The following CALN1 variants were observed in gnomAD, a reference collection of about 807,000 sequenced individuals.
The protein encoded by CALN1 is calneuron 1, also known as calcium-binding protein 8.
In CALN1, 17 loss-of-function variants were observed where a neutral mutation model predicts 30.6. That is an observed-to-expected ratio of 0.56 (90% CI 0.38 to 0.83). CALN1 has a LOEUF of 0.83. Ranked by LOEUF, CALN1 falls within the 40% of genes least tolerant of loss-of-function variation. CALN1 has a pLI of 0.00. For synonymous variants in CALN1, 156 were observed against 131.4 expected, an observed-to-expected ratio of 1.19 and a Z score of -1.28; for missense variants, 291 against 354.9, an observed-to-expected ratio of 0.82 and a Z score of 1.45.
chr7:72,142,307 G>A (rs376171634), intron 3 of CALN1, among the ~76,000 whole-genome samples: 3 of 152,264 alleles, frequency 2.0e-5, no homozygotes, highest in South Asian at 2.1e-4. Flanking sequence ...CTTAGCAAAC[G>A]GCACACCAGG....
the CALN1 span, among the ~76,000 whole-genome samples, chr7:72,478,403 A>T: frequency 0.13 from 18,683 of 146,400 alleles, 2,355 homozygotes; most frequent in African/African-American, 0.33. Flanking sequence ...ATATATATAT[A>T]TTTTTTCTTA....
rs186317803 is a variant in CALN1 at position 72,258,547 on chromosome 7, T to C, written c.244+20139A>G. Among the ~76,000 whole-genome samples, 164 of 152,332 alleles carry C rather than the reference T, an allele frequency of 1.1e-3. 2 individuals carry two copies. The highest frequency in any genetic ancestry group is 3.7e-3 in the African/African-American group (152 of 41,582). On this transcript the variant is annotated intron_variant, in intron 3 of 6. Coordinates refer to ENST00000395275, the MANE Select transcript of CALN1 (RefSeq NM_031468.4). ...TGACTTTTTGAACTCAACATGTTCA[T>C]CTTTCTGATACGGGATTTTGGCTTT...
chr7:72,281,220 T>C (rs929850702), intron 2 of CALN1, among the ~76,000 whole-genome samples: 5 of 152,100 alleles, frequency 3.3e-5, no homozygotes, highest in African/African-American at 1.2e-4. Flanking sequence ...CTTCCTCTTC[T>C]GCTACAGGAC....
chr7:72,197,971 G>C (rs1428947706), intron 3 of CALN1, among the ~76,000 whole-genome samples: 2 of 152,006 alleles, frequency 1.3e-5, no homozygotes, highest in Non-Finnish European at 2.9e-5. Context: ...GTCTAATCTA[G>C]AATCAGGTTT....
At chr7:72,195,157 T>C (rs1790898365) in intron 3 of CALN1, among the ~76,000 whole-genome samples, 1 of 152,152 alleles carries the variant, frequency 6.6e-6, no homozygotes, top group Non-Finnish European at 1.5e-5. Flanking sequence ...GCCTGAAGCG[T>C]CTGTCTTACA....
intron 5 of CALN1, among the ~76,000 whole-genome samples, chr7:71,911,680 G>A (rs1161073376): frequency 1.3e-5 from 2 of 152,126 alleles, no homozygotes; most frequent in Non-Finnish European, 2.9e-5. Flanking sequence ...CTTTCCCTGT[G>A]AATAAGTTTC....
chr7:72,098,755 A>G (rs937372836), intron 4 of CALN1, among the ~76,000 whole-genome samples: 16 of 81,522 alleles, frequency 2.0e-4, no homozygotes, highest in African/African-American at 7.7e-4. Context: ...AGTTCAGCCC[A>G]TTTGGCGCGC....
chr7:72,297,207 A>T (rs1054346532), intron 2 of CALN1, among the ~76,000 whole-genome samples: 5 of 152,178 alleles, frequency 3.3e-5, no homozygotes, highest in Non-Finnish European at 5.9e-5. Flanking sequence ...TCAGAAAAAA[A>T]GTTTTGTTAT....
At chr7:72,217,962 C>A (rs184599661) in intron 3 of CALN1, among the ~76,000 whole-genome samples, 8 of 150,374 alleles carry the variant, frequency 5.3e-5, no homozygotes, top group Non-Finnish European at 1.0e-4. Flanking sequence ...CCTGCCTCAG[C>A]CTCCCGAGTA....
chr7:72,047,989 T>C (rs2129535153), intron 4 of CALN1, among the ~76,000 whole-genome samples: 1 of 151,926 alleles, frequency 6.6e-6, no homozygotes, highest in South Asian at 2.1e-4. Flanking sequence ...TAACACAGTG[T>C]GGGCACAGAT....
intron 4 of CALN1, among the ~76,000 whole-genome samples, chr7:72,034,413 G>A (rs1801658727): frequency 6.6e-6 from 1 of 151,614 alleles, no homozygotes; most frequent in Non-Finnish European, 1.5e-5. Flanking sequence ...TCAGGAGGAG[G>A]ACGTACTGGG....
intron 5 of CALN1, among the ~76,000 whole-genome samples, chr7:71,929,146 A>C (rs913544455): frequency 6.6e-6 from 1 of 152,154 alleles, no homozygotes; most frequent in African/African-American, 2.4e-5. Context: ...TTTAAGTTCA[A>C]GGGTACATGT....
intron 3 of CALN1, among the ~76,000 whole-genome samples, chr7:72,126,321 C>T (rs1362848096): frequency 1.3e-5 from 2 of 152,074 alleles, no homozygotes; most frequent in African/African-American, 4.8e-5. Context: ...GGTTGATGGG[C>T]TTTTAGGTTG....
intron 1 of CALN1, among the ~76,000 whole-genome samples, chr7:72,429,497 C>G (rs2129563955): frequency 6.6e-6 from 1 of 152,214 alleles, no homozygotes; most frequent in African/African-American, 2.4e-5. Context: ...TCACCGTTCT[C>G]TTTTCAACGG....
intron 1 of CALN1, chr7:72,446,948 G>C (rs1808545867): frequency 6.6e-6 from 1 of 152,494 alleles, no homozygotes; most frequent in African/African-American, 2.4e-5. Context: ...AAGAGGAAAA[G>C]CAGAAGGGGG....
intron 3 of CALN1, among the ~76,000 whole-genome samples, chr7:72,121,267 C>T (rs1808365103): frequency 8.0e-6 from 1 of 125,582 alleles, no homozygotes; most frequent in African/African-American, 3.1e-5. Context: ...TATTATATAT[C>T]TATATTATAT....
At chr7:72,004,685 G>GAACAAAACAA (rs200604932) in intron 5 of CALN1, among the ~76,000 whole-genome samples, 4 of 150,870 alleles carry the variant, frequency 2.7e-5, no homozygotes, top group East Asian at 3.9e-4. Context: ...CAAAACTCAA[G>GAACAAAACAA]AACAAAACAA....
intron 3 of CALN1, among the ~76,000 whole-genome samples, chr7:72,208,232 C>T (rs969097289): frequency 4.6e-5 from 7 of 152,138 alleles, no homozygotes; most frequent in Non-Finnish European, 8.8e-5. Flanking sequence ...TAATAAGTCA[C>T]CTGGTTTTAT....
chr7:72,289,672 A>G (rs909377371), intron 2 of CALN1, among the ~76,000 whole-genome samples: 1 of 152,210 alleles, frequency 6.6e-6, no homozygotes. Flanking sequence ...ACAATAGGCT[A>G]AATTAACCAC....
Sources: gnomAD v4.1 joint callset for allele counts (sites outside exome capture counted in the v4.1 genomes callset) on GRCh38, gnomAD v4.1.1 for gene constraint, MANE v1.5 for transcripts, NCBI Gene and HGNC (gene_info 2026-07-23, HGNC 2026-07-21) for gene names.